The following PTPRD variants were observed in gnomAD, a reference collection of about 807,000 sequenced individuals.
PTPRD encodes protein tyrosine phosphatase receptor type D, also known as receptor-type tyrosine-protein phosphatase delta.
A neutral mutation model predicts 214.5 loss-of-function variants in PTPRD; 34 were observed. The ratio of observed to expected loss-of-function variants is 0.16; its 90% confidence interval spans 0.12 to 0.21. PTPRD has a LOEUF of 0.21. PTPRD is among the 10% of genes least tolerant of loss of function. PTPRD has a pLI of 1.00. For missense variants in PTPRD, 2,545 were observed against 2,398.7 expected (o/e 1.06, Z -1.27); for synonymous variants, 1,128 against 845.7 (o/e 1.33, Z -5.79).
In PTPRD at chr9:9,134,087, A is replaced by G. The variant is rs1235390797; in HGVS notation, c.-143+49217T>C. Among the ~76,000 whole-genome samples the G allele has an allele frequency of 5.5e-5, 4 of 72,454 alleles. 1 individual carries two copies. The highest frequency in any genetic ancestry group is 9.8e-4 in the South Asian group (2 of 2,048). 47.5% of individuals were successfully genotyped at this position (72,454 alleles called of 152,430 possible). ...TTTTTTTTTTTTTTTTTTTTTTGAG[A>G]CGGAGTCTCGCTCTGTCGCCCAGGC... On this transcript the variant is annotated intron_variant, in intron 10 of 45. Coordinates refer to ENST00000381196, the MANE Select transcript of PTPRD (RefSeq NM_002839.4).
chr9:10,105,352 G>T (rs2098614842), intron 3 of PTPRD, among the ~76,000 whole-genome samples: 1 of 151,716 alleles, frequency 6.6e-6, no homozygotes, highest in Non-Finnish European at 1.5e-5. Flanking sequence ...CTGTTTTTAT[G>T]ATTGCTGCAA....
At chr9:8,537,022 A>G (rs1192517976) in intron 14 of PTPRD, among the ~76,000 whole-genome samples, 2 of 152,012 alleles carry the variant, frequency 1.3e-5, no homozygotes, top group Non-Finnish European at 2.9e-5. Flanking sequence ...AGAGGAAAAA[A>G]CATTCTTTTC....
At chr9:9,459,535 C>T (rs929200033) in intron 8 of PTPRD, among the ~76,000 whole-genome samples, 3 of 152,038 alleles carry the variant, frequency 2.0e-5, no homozygotes, top group African/African-American at 4.8e-5. Context: ...ACACAAAAAT[C>T]AATTCCATTT....
intron 11 of PTPRD, among the ~76,000 whole-genome samples, chr9:8,845,795 C>T: frequency 6.6e-6 from 1 of 152,218 alleles, no homozygotes; most frequent in Non-Finnish European, 1.5e-5. Context: ...ACTGCAGTTC[C>T]TACGGCTCTT....
intron 7 of PTPRD, among the ~76,000 whole-genome samples, chr9:9,655,908 A>T (rs1308529925): frequency 6.6e-6 from 1 of 151,754 alleles, no homozygotes; most frequent in Non-Finnish European, 1.5e-5. Context: ...AACCCAGGAG[A>T]CGGAGGTTGC....
chr9:9,285,654 A>G (rs1272770813), intron 9 of PTPRD, among the ~76,000 whole-genome samples: 1 of 151,692 alleles, frequency 6.6e-6, no homozygotes, highest in Non-Finnish European at 1.5e-5. Flanking sequence ...TCTTGTTTCC[A>G]GGGCCAGCAC....
At chr9:9,362,099 G>T (rs1423402990) in intron 9 of PTPRD, among the ~76,000 whole-genome samples, 3 of 151,018 alleles carry the variant, frequency 2.0e-5, no homozygotes, top group Non-Finnish European at 4.5e-5. Context: ...CTATAATATT[G>T]TTAATTCCCA....
At chr9:8,331,834 A>G in intron 43 of PTPRD, 98 bp from the exon 44 acceptor site, 1 of 1,415,202 alleles carries the variant, frequency 7.1e-7, no homozygotes, top group Non-Finnish European at 9.4e-7. Flanking sequence ...ATTTCCCGAA[A>G]ACAAAAAGGG....
chr9:9,162,152 G>C (rs571946330), intron 10 of PTPRD, among the ~76,000 whole-genome samples: 1 of 152,142 alleles, frequency 6.6e-6, no homozygotes, highest in South Asian at 2.1e-4. Flanking sequence ...CTCACAGTGA[G>C]ATTTTTTCTT....
At chr9:9,936,615 A>C (rs1217386278) in intron 5 of PTPRD, among the ~76,000 whole-genome samples, 8 of 133,936 alleles carry the variant, frequency 6.0e-5, no homozygotes, top group Non-Finnish European at 1.2e-4. Flanking sequence ...GAACACTTTT[A>C]CACTGTTGGT....
intron 9 of PTPRD, among the ~76,000 whole-genome samples, chr9:9,306,591 C>T (rs747350213): frequency 2.1e-5 from 3 of 140,924 alleles, no homozygotes; most frequent in Non-Finnish European, 3.1e-5. Flanking sequence ...AAAAAAAAAT[C>T]CATCTTTTCT....
chr9:8,427,499 C>T lies in PTPRD; in HGVS notation c.4086+9093G>A, dbSNP rs1041117722. On this transcript the variant is annotated intron_variant, in intron 35 of 45. Coordinates refer to ENST00000381196, the MANE Select transcript of PTPRD (RefSeq NM_002839.4). ...GTGCCGAGCGGTGAGCTTGTTACCA[C>T]GTGGCCAACAGCATACCGAGAGGCC... Among the ~76,000 whole-genome samples, 3 of 151,932 alleles carry T rather than the reference C, an allele frequency of 2.0e-5. No individual in the cohort carries two copies. The East Asian group carries it at 5.8e-4, about 29-fold the overall frequency.
intron 11 of PTPRD, among the ~76,000 whole-genome samples, chr9:9,008,445 T>C (rs1044388179): frequency 2.0e-5 from 3 of 151,820 alleles, no homozygotes; most frequent in African/African-American, 7.3e-5. Flanking sequence ...GCCAGGATGG[T>C]CTCATCTCCT....
At chr9:9,998,129 A>AAAAAATATATATATATATAT (rs57991748) in intron 4 of PTPRD, among the ~76,000 whole-genome samples, 1 of 91,458 alleles carries the variant, frequency 1.1e-5, no homozygotes, top group African/African-American at 5.9e-5. Context: ...AAAAAAAAAA[A>AAAAAATATATATATATATAT]ATATATATAT....
At chr9:10,079,323 C>G (rs569189010) in intron 3 of PTPRD, among the ~76,000 whole-genome samples, 1 of 152,182 alleles carries the variant, frequency 6.6e-6, no homozygotes, top group East Asian at 1.9e-4. Context: ...TCACTGTTGG[C>G]CACGTATGCA....
At chr9:8,839,796 GC>G (rs2154533180) in intron 11 of PTPRD, among the ~76,000 whole-genome samples, 1 of 99,764 alleles carries the variant, frequency 1.0e-5, no homozygotes, top group South Asian at 3.1e-4. Context: ...AGGGAACAAT[GC>G]CCAACAAAAG....
At chr9:9,003,618 T>G (rs574011786) in intron 11 of PTPRD, among the ~76,000 whole-genome samples, 62 of 152,156 alleles carry the variant, frequency 4.1e-4, no homozygotes, top group Non-Finnish European at 7.4e-4. Context: ...GCATAAAGGC[T>G]TTTTAGCAAT....
chr9:8,665,066 G>T (rs1030945980), intron 12 of PTPRD, among the ~76,000 whole-genome samples: 1 of 152,046 alleles, frequency 6.6e-6, no homozygotes, highest in Admixed American at 6.6e-5. Flanking sequence ...AGCAATAAAA[G>T]TAAAGCAGCA....
At chr9:10,177,378 A>C (rs1206691721) in intron 3 of PTPRD, among the ~76,000 whole-genome samples, 2 of 151,782 alleles carry the variant, frequency 1.3e-5, no homozygotes, top group East Asian at 3.9e-4. Flanking sequence ...CCAAGGGGCT[A>C]TAACAAATGG....
Sources: allele counts gnomAD v4.1 joint callset (sites outside exome capture counted in the v4.1 genomes callset), GRCh38; gene constraint gnomAD v4.1.1; transcripts MANE v1.5; gene names NCBI Gene and HGNC (gene_info 2026-07-23, HGNC 2026-07-21).